Variants in LOC400499 observed in about 807,000 individuals in gnomAD.
the LOC400499 span, chr16:11,488,620 G>A: frequency 2.5e-6 from 1 of 396,106 alleles, no homozygotes. Flanking sequence ...CACAACGTCT[G>A]ATCCACATGC....
chr16:11,436,297 G>T, the LOC400499 span, among the ~76,000 whole-genome samples: 81 of 152,254 alleles, frequency 5.3e-4, no homozygotes, highest in African/African-American at 1.9e-3. Flanking sequence ...AGTGCCCCAC[G>T]GGAACCAGAG....
chr16:11,393,970 A>G, the LOC400499 span, among the ~76,000 whole-genome samples: 1 of 152,184 alleles, frequency 6.6e-6, no homozygotes, highest in African/African-American at 2.4e-5. Flanking sequence ...AATTTTTAAA[A>G]ATACCCATCT....
At chr16:11,402,483 A>G in the LOC400499 span, among the ~76,000 whole-genome samples, 1 of 152,074 alleles carries the variant, frequency 6.6e-6, no homozygotes, top group Non-Finnish European at 1.5e-5. Flanking sequence ...AGCAAAGTTG[A>G]CCGAGTGCCA....
At chr16:11,462,389 G>A in the LOC400499 span, 1 of 1,378,556 alleles carries the variant, frequency 7.3e-7, no homozygotes, top group African/African-American at 1.5e-5. Context: ...AGACAGGGCA[G>A]GAGACAACAT....
chr16:11,395,485 GA>G, the LOC400499 span, among the ~76,000 whole-genome samples: 6 of 152,280 alleles, frequency 3.9e-5, no homozygotes, highest in African/African-American at 1.4e-4. Flanking sequence ...TGGAAACGGG[GA>G]AGTGACAGTC....
the LOC400499 span, chr16:11,424,351 G>T: frequency 2.5e-6 from 1 of 399,746 alleles, no homozygotes. Flanking sequence ...AGTCCTGGGG[G>T]AAGAGGCCAG....
chr16:11,391,440 G>A, the LOC400499 span, among the ~76,000 whole-genome samples: 6 of 152,198 alleles, frequency 3.9e-5, no homozygotes, highest in Non-Finnish European at 8.8e-5. Flanking sequence ...AGATGAGCTT[G>A]GAGACTCTGT....
the LOC400499 span, among the ~76,000 whole-genome samples, chr16:11,432,672 TC>T: frequency 1.4e-4 from 22 of 152,326 alleles, no homozygotes; most frequent in Non-Finnish European, 2.4e-4. Flanking sequence ...GTTCCTATCA[TC>T]ACACAGTGAG....
the LOC400499 span, chr16:11,417,824 G>A: frequency 2.5e-6 from 1 of 398,852 alleles, no homozygotes; most frequent in Non-Finnish European, 4.4e-6. Context: ...CTGCCATTGT[G>A]AATGTCCACA....
the LOC400499 span, among the ~76,000 whole-genome samples, chr16:11,509,921 G>T: frequency 6.8e-6 from 1 of 146,360 alleles, no homozygotes; most frequent in Admixed American, 6.7e-5. Context: ...GTCTGGAAGA[G>T]TATACTGGAA....
At chr16:11,383,962 GCCTGCT>G in the LOC400499 span, 1 of 1,231,740 alleles carries the variant, frequency 8.1e-7, no homozygotes, top group Non-Finnish European at 1.0e-6. Context: ...TCCCGGGCAG[GCCTGCT>G]CCTGCTGAGG....
the LOC400499 span, among the ~76,000 whole-genome samples, chr16:11,430,381 T>G: frequency 6.6e-6 from 1 of 151,924 alleles, no homozygotes; most frequent in Non-Finnish European, 1.5e-5. Context: ...TCCAAGCTAC[T>G]CGGGAGGCTG....
the LOC400499 span, among the ~76,000 whole-genome samples, chr16:11,418,084 G>T: frequency 8.5e-5 from 13 of 152,222 alleles, no homozygotes; most frequent in African/African-American, 2.7e-4. Context: ...GGGGCAGGCA[G>T]GGGAGAGTGG....
At chr16:11,448,031 C>G in the LOC400499 span, 11 of 1,535,912 alleles carry the variant, frequency 7.2e-6, no homozygotes, top group Non-Finnish European at 9.6e-6. Flanking sequence ...TGGCCCTGGG[C>G]ACCAATCCGC....
At chr16:11,412,793 G>T in the LOC400499 span, 27 of 398,760 alleles carry the variant, frequency 6.8e-5, no homozygotes, top group African/African-American at 4.5e-4. Flanking sequence ...CAGGTACCCA[G>T]TCAATGGTTC....
the LOC400499 span, chr16:11,471,721 G>A: frequency 7.5e-6 from 3 of 399,122 alleles, no homozygotes; most frequent in East Asian, 7.1e-5. Context: ...TTTCTGCAGC[G>A]TCACGGCCGC....
the LOC400499 span, chr16:11,465,503 A>G: frequency 9.2e-5 from 14 of 152,308 alleles, no homozygotes; most frequent in South Asian, 2.9e-3. Context: ...AGGGGCTTCA[A>G]ACGACTAAGT....
chr16:11,427,165 C>T, the LOC400499 span, among the ~76,000 whole-genome samples: 3 of 151,304 alleles, frequency 2.0e-5, no homozygotes, highest in Admixed American at 2.0e-4. Flanking sequence ...CAAGACCAGC[C>T]TGACCAACAA....
chr16:11,386,465 G>A, the LOC400499 span, among the ~76,000 whole-genome samples: 5 of 152,358 alleles, frequency 3.3e-5, no homozygotes, highest in Middle Eastern at 3.4e-3. Flanking sequence ...ACATGACTGC[G>A]CCCACGCTTC....
Sources: gnomAD v4.1 joint callset for allele counts (sites outside exome capture counted in the v4.1 genomes callset) on GRCh38, gnomAD v4.1.1 for gene constraint, MANE v1.5 for transcripts.